LMX1A: variants seen among roughly 807,000 people sequenced by gnomAD.
The protein encoded by LMX1A is LIM homeobox transcription factor 1 alpha, also known as LIM homeobox transcription factor 1-alpha.
LMX1A carries 15 observed loss-of-function variants against 49.1 expected under a neutral mutation model. The observed-to-expected ratio is 0.31, with a 90% CI of 0.20 to 0.47. The LOEUF is 0.47. LMX1A is among the 20% of genes least tolerant of loss of function. The pLI, the probability that LMX1A is intolerant of heterozygous loss-of-function variation, is 1.00. For missense variants in LMX1A, 372 were observed against 475.8 expected, an observed-to-expected ratio of 0.78 and a Z score of 2.03; for synonymous variants, 167 against 185.7, an observed-to-expected ratio of 0.90 and a Z score of 0.82.
At chr1:165,235,768 G>T (rs1393012382) in intron 4 of LMX1A, among the ~76,000 whole-genome samples, 2 of 152,198 alleles carry the variant, frequency 1.3e-5, no homozygotes, top group Non-Finnish European at 2.9e-5. Context: ...TTTCAGAGCG[G>T]CTTGTTTACT....
intron 3 of LMX1A, among the ~76,000 whole-genome samples, chr1:165,308,775 T>C (rs1477406799): frequency 1.3e-5 from 2 of 152,088 alleles, no homozygotes; most frequent in African/African-American, 4.8e-5. Context: ...CCTGGGCCTA[T>C]TAATTTAGAG....
rs566990847 is a variant in LMX1A at position 165,287,071 on chromosome 1, TC to T, written c.264-37432del. Among the ~76,000 whole-genome samples, 441 of 152,118 alleles carry T rather than the reference TC, an allele frequency of 2.9e-3. 3 individuals carry two copies. Among genetic ancestry groups the T allele is most frequent in the African/African-American group, 0.01 (417 of 41,478 alleles). ...TAATAGAAAGAATAAATCAAAACAG[TC>T]CCCTATTATGCTTGATAATAGGAAA... On this transcript the variant is annotated intron_variant, in intron 3 of 8. Coordinates refer to ENST00000342310, the MANE Select transcript of LMX1A (RefSeq NM_177398.4).
At chr1:165,224,311 T>C (rs184259289) in intron 4 of LMX1A, among the ~76,000 whole-genome samples, 258 of 152,274 alleles carry the variant, frequency 1.7e-3, no homozygotes, top group Non-Finnish European at 2.6e-3. Flanking sequence ...AAAACTCTTT[T>C]CTTTATAGAT....
At chr1:165,344,392 C>T (rs554968221) in intron 3 of LMX1A, among the ~76,000 whole-genome samples, 10 of 152,202 alleles carry the variant, frequency 6.6e-5, no homozygotes, top group South Asian at 2.1e-4. Flanking sequence ...AAGAGTGAGG[C>T]GGTAGCCAAT....
chr1:165,329,297 C>T (rs890348162), intron 3 of LMX1A, among the ~76,000 whole-genome samples: 2 of 152,148 alleles, frequency 1.3e-5, no homozygotes, highest in African/African-American at 2.4e-5. Context: ...GTCTCGCCCT[C>T]GACATGTGGG....
intron 3 of LMX1A, among the ~76,000 whole-genome samples, chr1:165,256,291 C>T (rs1207245043): frequency 6.6e-6 from 1 of 152,120 alleles, no homozygotes; most frequent in Non-Finnish European, 1.5e-5. Context: ...AAAAGTGCTG[C>T]CTTTTCCAAG....
chr1:165,332,062 G>C (rs1655758591), intron 3 of LMX1A, among the ~76,000 whole-genome samples: 1 of 152,180 alleles, frequency 6.6e-6, no homozygotes, highest in Non-Finnish European at 1.5e-5. Flanking sequence ...TTAACTCTAA[G>C]TATACTGTGA....
chr1:165,208,487 T>A (rs72700498), intron 6 of LMX1A, among the ~76,000 whole-genome samples: 20,734 of 152,138 alleles, frequency 0.14, 1,729 homozygotes, highest in African/African-American at 0.24. Context: ...CCTAGACGTA[T>A]GGAACAAGAG....
intron 4 of LMX1A, among the ~76,000 whole-genome samples, chr1:165,230,363 C>T (rs752326178): frequency 6.6e-6 from 1 of 152,132 alleles, no homozygotes; most frequent in Non-Finnish European, 1.5e-5. Flanking sequence ...AGTGGTTTAA[C>T]ATGGATAGCT....
chr1:165,337,858 G>A (rs1655945602), intron 3 of LMX1A, among the ~76,000 whole-genome samples: 1 of 143,198 alleles, frequency 7.0e-6, no homozygotes, highest in African/African-American at 2.7e-5. Flanking sequence ...AGTGGACAGA[G>A]TGTGTCTGTG....
At chr1:165,215,640 C>G (rs1651615154) in intron 4 of LMX1A, among the ~76,000 whole-genome samples, 1 of 152,172 alleles carries the variant, frequency 6.6e-6, no homozygotes. Flanking sequence ...GCCAAAAAAA[C>G]TTATTTAATC....
intron 5 of LMX1A, among the ~76,000 whole-genome samples, chr1:165,211,668 G>A (rs1571148426): frequency 1.3e-5 from 2 of 152,286 alleles, no homozygotes; most frequent in African/African-American, 4.8e-5. Context: ...GGAATGATTA[G>A]AACAGGTTTT....
intron 3 of LMX1A, among the ~76,000 whole-genome samples, chr1:165,348,471 C>A (rs1055580332): frequency 6.6e-6 from 1 of 152,132 alleles, no homozygotes; most frequent in African/African-American, 2.4e-5. Context: ...ACAGCCACGG[C>A]CCATGGACGG....
chr1:165,288,885 C>G (rs1032201768), intron 3 of LMX1A, among the ~76,000 whole-genome samples: 10 of 152,200 alleles, frequency 6.6e-5, no homozygotes, highest in African/African-American at 2.4e-4. Flanking sequence ...TCTCAGAAGT[C>G]TAATTAAAAT....
intron 3 of LMX1A, among the ~76,000 whole-genome samples, chr1:165,291,932 C>G (rs1037498041): frequency 6.6e-6 from 1 of 151,878 alleles, no homozygotes; most frequent in Non-Finnish European, 1.5e-5. Flanking sequence ...CATGGTGGCG[C>G]GCGCTTGTAG....
intron 3 of LMX1A, among the ~76,000 whole-genome samples, chr1:165,325,798 T>C (rs889494327): frequency 6.6e-6 from 1 of 152,164 alleles, no homozygotes; most frequent in Non-Finnish European, 1.5e-5. Flanking sequence ...CCAGGAGAGT[T>C]AATAAACCAG....
chr1:165,218,474 A>C (rs1049898146), intron 4 of LMX1A: 1 of 152,374 alleles, frequency 6.6e-6, no homozygotes, highest in Non-Finnish European at 1.5e-5. Flanking sequence ...GCTAACCATC[A>C]CCCAGCTTCC....
intron 3 of LMX1A, among the ~76,000 whole-genome samples, chr1:165,266,711 C>T (rs1302460677): frequency 2.1e-5 from 3 of 146,058 alleles, no homozygotes; most frequent in Non-Finnish European, 4.5e-5. Flanking sequence ...ACGCCATTCT[C>T]CTGCCTCAGC....
chr1:165,216,402 A>G (rs1477177365), intron 4 of LMX1A, among the ~76,000 whole-genome samples: 1 of 152,182 alleles, frequency 6.6e-6, no homozygotes, highest in Admixed American at 6.5e-5. Context: ...TCTGGTGGTG[A>G]ACTCCCTGGG....
Sources: gnomAD v4.1 joint callset for allele counts (sites outside exome capture counted in the v4.1 genomes callset) on GRCh38, gnomAD v4.1.1 for gene constraint, MANE v1.5 for transcripts, NCBI Gene and HGNC (gene_info 2026-07-23, HGNC 2026-07-21) for gene names.